BMAL1: variants seen among roughly 807,000 people sequenced by gnomAD.
BMAL1 encodes the protein basic helix-loop-helix ARNT like 1.
chr11:13,357,130 C>G, the BMAL1 span: 2 of 1,613,012 alleles, frequency 1.2e-6, no homozygotes, highest in South Asian at 2.2e-5. This position sits in a 1 kb window ranked among gnomAD's most constrained non-coding sequence, Gnocchi z 4.8. Context: ...TACAAAGCAT[C>G]CTAGTTCTGG....
the BMAL1 span, chr11:13,369,749 ACCTGCT>A: frequency 1.9e-6 from 3 of 1,610,116 alleles, no homozygotes; most frequent in Admixed American, 1.7e-5. Context: ...CTTCCCCTCT[ACCTGCT>A]CAAAGAAAAA....
chr11:13,309,810 G>C, the BMAL1 span, among the ~76,000 whole-genome samples: 3 of 152,156 alleles, frequency 2.0e-5, no homozygotes, highest in African/African-American at 7.2e-5. Context: ...AGGAGGGGGT[G>C]CCTGGCCTGC....
At chr11:13,291,831 C>A in the BMAL1 span, among the ~76,000 whole-genome samples, 77 of 8,984 alleles carry the variant, frequency 8.6e-3, no homozygotes, top group African/African-American at 0.013. Flanking sequence ...AGAATACTCA[C>A]ATATCTTTTG....
the BMAL1 span, among the ~76,000 whole-genome samples, chr11:13,312,629 TATA>T: frequency 5.3e-5 from 8 of 152,186 alleles, no homozygotes; most frequent in Non-Finnish European, 1.2e-4. Flanking sequence ...TTATGACAAT[TATA>T]ATGTCATTTT....
At chr11:13,315,116 A>T in the BMAL1 span, among the ~76,000 whole-genome samples, 22 of 152,328 alleles carry the variant, frequency 1.4e-4, no homozygotes, top group Middle Eastern at 3.4e-3. Flanking sequence ...GAAGAGAGCC[A>T]TTCTCAGCAC....
the BMAL1 span, chr11:13,386,445 TA>T: frequency 3.4e-5 from 27 of 786,442 alleles, no homozygotes; most frequent in South Asian, 5.8e-5. Flanking sequence ...AACAGCGATA[TA>T]AAAAAAGATA....
At chr11:13,356,764 G>A in the BMAL1 span, 1 of 1,614,154 alleles carries the variant, frequency 6.2e-7, no homozygotes, top group Non-Finnish European at 8.5e-7. Flanking sequence ...AGACAAAGAT[G>A]ACCCTCATGG....
the BMAL1 span, among the ~76,000 whole-genome samples, chr11:13,296,600 A>G: frequency 3.9e-5 from 6 of 152,150 alleles, no homozygotes; most frequent in African/African-American, 1.4e-4. Flanking sequence ...GTGTACCTAC[A>G]TGTTTCTATA....
At chr11:13,294,348 C>T in the BMAL1 span, among the ~76,000 whole-genome samples, 1 of 152,234 alleles carries the variant, frequency 6.6e-6, no homozygotes, top group African/African-American at 2.4e-5. Context: ...GTTCTCACCT[C>T]ATGGAATTAG....
chr11:13,334,215 C>T, the BMAL1 span, among the ~76,000 whole-genome samples: 11 of 152,246 alleles, frequency 7.2e-5, no homozygotes, highest in Admixed American at 6.5e-4. Flanking sequence ...CAGTGTGACT[C>T]CAGAGCCCGT....
the BMAL1 span, among the ~76,000 whole-genome samples, chr11:13,377,042 C>T: frequency 1.3e-5 from 2 of 152,168 alleles, no homozygotes; most frequent in Admixed American, 1.3e-4. Context: ...ATGTGAAGTG[C>T]TCTTTCGTGA....
At chr11:13,310,309 T>G in the BMAL1 span, among the ~76,000 whole-genome samples, 1 of 151,800 alleles carries the variant, frequency 6.6e-6, no homozygotes, top group Non-Finnish European at 1.5e-5. Flanking sequence ...CAGCGGGCCT[T>G]ATGGAGAGGT....
the BMAL1 span, among the ~76,000 whole-genome samples, chr11:13,352,651 T>G: frequency 6.6e-6 from 1 of 152,172 alleles, no homozygotes; most frequent in Non-Finnish European, 1.5e-5. Flanking sequence ...AAGAAATAAT[T>G]GCTCAAATGC....
the BMAL1 span, among the ~76,000 whole-genome samples, chr11:13,338,650 C>T: frequency 1.3e-5 from 2 of 152,192 alleles, no homozygotes; most frequent in Non-Finnish European, 2.9e-5. Context: ...AGCAATAGAG[C>T]ATGTGCAGAG....
the BMAL1 span, among the ~76,000 whole-genome samples, chr11:13,348,434 T>C: frequency 6.6e-6 from 1 of 151,754 alleles, no homozygotes; most frequent in Admixed American, 6.6e-5. Context: ...GGGATGGGGC[T>C]GGAGACGACA....
At chr11:13,325,841 AATTTTATTGT>A in the BMAL1 span, among the ~76,000 whole-genome samples, 3 of 151,876 alleles carry the variant, frequency 2.0e-5, no homozygotes, top group African/African-American at 7.3e-5. Flanking sequence ...CAGCCTTTTA[AATTTTATTGT>A]ATTTTTTTAT....
chr11:13,340,435 T>C, the BMAL1 span, among the ~76,000 whole-genome samples: 1 of 152,258 alleles, frequency 6.6e-6, no homozygotes, highest in African/African-American at 2.4e-5. Flanking sequence ...CCCACTGACC[T>C]TTCTCATTGT....
At chr11:13,367,793 T>C in the BMAL1 span, among the ~76,000 whole-genome samples, 1 of 152,136 alleles carries the variant, frequency 6.6e-6, no homozygotes, top group South Asian at 2.1e-4. Flanking sequence ...TGTGTGACCT[T>C]GAGCAAGTTA....
At chr11:13,311,077 G>A in the BMAL1 span, among the ~76,000 whole-genome samples, 495 of 152,334 alleles carry the variant, frequency 3.2e-3, 3 homozygotes, top group African/African-American at 0.011. Context: ...GCTTGTTTAC[G>A]GTGGTATCTT....
Sources: allele counts gnomAD v4.1 joint callset (sites outside exome capture counted in the v4.1 genomes callset), GRCh38; gene constraint gnomAD v4.1.1; non-coding constraint Gnocchi (gnomAD v3.1); transcripts MANE v1.5; gene names NCBI Gene and HGNC (gene_info 2026-07-23, HGNC 2026-07-21).